EPB41L4A: variants seen among roughly 807,000 people sequenced by gnomAD.
EPB41L4A encodes erythrocyte membrane protein band 4.1 like 4A, also known as band 4.1-like protein 4A.
In EPB41L4A, 100 loss-of-function variants were observed where a neutral mutation model predicts 108.6. That is an observed-to-expected ratio of 0.92 (90% CI 0.78 to 1.09). The LOEUF (loss-of-function observed/expected upper bound fraction) is 1.09, where lower values mean the gene tolerates loss of function less well. Among genes scored for constraint, EPB41L4A ranks in the 50% least tolerant of loss-of-function variants. The pLI is 0.00. For missense variants in EPB41L4A, 1,030 were observed against 842.7 expected (o/e 1.22, Z -2.75); for synonymous variants, 319 against 289.0 (o/e 1.10, Z -1.05).
At chr5:112,193,171 C>T (rs577234183) in intron 17 of EPB41L4A, among the ~76,000 whole-genome samples, 15 of 152,318 alleles carry the variant, frequency 9.8e-5, no homozygotes, top group African/African-American at 3.6e-4. Flanking sequence ...GCTGTCTGGG[C>T]TATTATTACA....
chr5:112,212,592 GC>G (rs1256479146), intron 12 of EPB41L4A, among the ~76,000 whole-genome samples: 1 of 152,108 alleles, frequency 6.6e-6, no homozygotes, highest in Admixed American at 6.5e-5. Flanking sequence ...ACTGTGCCCA[GC>G]CCCCTAACAT....
chr5:112,336,830 A>G (rs1756954152), intron 1 of EPB41L4A, among the ~76,000 whole-genome samples: 1 of 152,218 alleles, frequency 6.6e-6, no homozygotes, highest in Admixed American at 6.5e-5. Flanking sequence ...TTTGGGGTCA[A>G]TTACATGTCT....
At chr5:112,265,063 C>A in intron 5 of EPB41L4A, 47 bp from the exon 6 acceptor site, 2 of 1,455,788 alleles carry the variant, frequency 1.4e-6, no homozygotes, top group Non-Finnish European at 1.8e-6. Context: ...GGAAAATAGT[C>A]CTTAAAACAT....
In EPB41L4A at chr5:112,170,321, C is replaced by G; in HGVS notation, c.1719G>C (p.Glu573Asp). Residue 573 changes from glutamate (E) to aspartate (D), a missense_variant, in exon 20 of 23, where the codon GAG (glutamate) becomes GAC (aspartate). Coordinates refer to ENST00000261486, the MANE Select transcript of EPB41L4A (RefSeq NM_022140.5). ...PSGLSEEQLKEIPYTKIETQG... is the reference protein window; with the variant it reads ...PSGLSEEQLKDIPYTKIETQG... The stretch of plus-strand genomic sequence containing the variant: ...CTCACTCTATTTTAGTGTATGGAAT[C>G]TCTTTTAATTGTTCTTCGGACAATC... 1 of 1,613,414 alleles carries G rather than the reference C, an allele frequency of 6.2e-7. No homozygotes were observed. The highest frequency in any genetic ancestry group is 2.2e-5 in the East Asian group (1 of 44,838).
chr5:112,397,020 A>C (rs931983176), intron 1 of EPB41L4A, among the ~76,000 whole-genome samples: 1 of 152,184 alleles, frequency 6.6e-6, no homozygotes, highest in African/African-American at 2.4e-5. Context: ...CTGGGCTTCT[A>C]GTCTGCCCAT....
intron 1 of EPB41L4A, among the ~76,000 whole-genome samples, chr5:112,374,384 C>T (rs1018599790): frequency 2.0e-5 from 3 of 152,126 alleles, no homozygotes; most frequent in Non-Finnish European, 4.4e-5. Flanking sequence ...CAAAAAGCAG[C>T]ATTATAAGAA....
At chr5:112,290,052 G>T (rs1017029429) in intron 2 of EPB41L4A, among the ~76,000 whole-genome samples, 2 of 152,036 alleles carry the variant, frequency 1.3e-5, no homozygotes, top group Non-Finnish European at 2.9e-5. Flanking sequence ...TCTATGCCCT[G>T]GAACATACCT....
At chr5:112,241,383 A>T (rs1749772592) in intron 9 of EPB41L4A, among the ~76,000 whole-genome samples, 2 of 152,230 alleles carry the variant, frequency 1.3e-5, no homozygotes, top group South Asian at 4.1e-4. Context: ...CATACATAAA[A>T]TATCATATAA....
intron 12 of EPB41L4A, among the ~76,000 whole-genome samples, chr5:112,213,564 G>T (rs1382637884): frequency 6.6e-6 from 1 of 152,052 alleles, no homozygotes; most frequent in Non-Finnish European, 1.5e-5. Flanking sequence ...GGACAGGCTG[G>T]TCTCAAACTC....
In EPB41L4A at chr5:112,267,755, A is replaced by T. The variant is rs117609125; in HGVS notation, c.336-1425T>A. ...GAGGTAAGCAGGATTCTTAAGATGT[A>T]AACAGGATCATGTCACTCTTTCAGT... On this transcript the variant is annotated intron_variant, in intron 4 of 22. Transcript: ENST00000261486. Among the ~76,000 whole-genome samples, 118 of 152,242 alleles carry T rather than the reference A, an allele frequency of 7.8e-4. No homozygotes were observed. In the East Asian group the frequency reaches 0.015, roughly 19 times the overall value.
In EPB41L4A at chr5:112,406,981, G is replaced by C. The variant is rs184007639; in HGVS notation, c.99+11960C>G. On this transcript the variant is annotated intron_variant, in intron 1 of 22. Coordinates refer to ENST00000261486, the MANE Select transcript of EPB41L4A (RefSeq NM_022140.5). ...TTCCACACTCTTGCCCTGGCTGTCT[G>C]CTGCACTTTGGGTAGCATCGTGGGG... Among the ~76,000 whole-genome samples, 173 of 152,204 alleles carry C rather than the reference G, an allele frequency of 1.1e-3. 1 individual carries two copies. The highest frequency in any genetic ancestry group is 4.0e-3 in the African/African-American group (165 of 41,518).
intron 1 of EPB41L4A, among the ~76,000 whole-genome samples, chr5:112,393,145 T>G (rs1254352715): frequency 6.6e-6 from 1 of 152,008 alleles, no homozygotes; most frequent in East Asian, 1.9e-4. Context: ...GCAGGAAAGA[T>G]CTAAAATCGA....
At chr5:112,185,628 G>C (rs552254110) in intron 17 of EPB41L4A, among the ~76,000 whole-genome samples, 1 of 152,140 alleles carries the variant, frequency 6.6e-6, no homozygotes, top group African/African-American at 2.4e-5. Context: ...AAGATTAACA[G>C]GATACTGTCA....
chr5:112,176,785 A>C (rs12655385), intron 18 of EPB41L4A, among the ~76,000 whole-genome samples: 4 of 131,102 alleles, frequency 3.1e-5, no homozygotes, highest in Non-Finnish European at 6.3e-5. Flanking sequence ...ATGGAGTTTC[A>C]CTCCTGTTGC....
intron 4 of EPB41L4A, among the ~76,000 whole-genome samples, chr5:112,274,417 A>G (rs889937422): frequency 1.3e-5 from 2 of 152,248 alleles, no homozygotes; most frequent in Admixed American, 1.3e-4. Context: ...ATGGCACTTC[A>G]AAGTGGGATG....
In EPB41L4A at chr5:112,293,207, T is replaced by C. The variant is rs532383708; in HGVS notation, c.205-12884A>G. Among the ~76,000 whole-genome samples the C allele has an allele frequency of 3.3e-5, 5 of 151,052 alleles. No individual in the cohort carries two copies. In the East Asian group the frequency reaches 5.8e-4, roughly 17 times the overall value. ...TTTATTGTTTTCAATTGTTGTTCGA[T>C]GGAAGCATTTTTTTTTTTAACTTTT... On this transcript the variant is annotated intron_variant, in intron 2 of 22. Coordinates refer to ENST00000261486, the MANE Select transcript of EPB41L4A (RefSeq NM_022140.5).
intron 12 of EPB41L4A, among the ~76,000 whole-genome samples, chr5:112,220,831 T>C (rs1430632319): frequency 6.6e-6 from 1 of 152,170 alleles, no homozygotes; most frequent in East Asian, 1.9e-4. Context: ...GATATCCTGC[T>C]TTACCCAGAG....
intron 15 of EPB41L4A, among the ~76,000 whole-genome samples, chr5:112,200,796 C>T (rs1435500767): frequency 6.6e-6 from 1 of 151,916 alleles, no homozygotes; most frequent in Non-Finnish European, 1.5e-5. Flanking sequence ...GGAATGAATC[C>T]AACATTTCAC....
chr5:112,325,297 C>T (rs911809236), intron 1 of EPB41L4A, among the ~76,000 whole-genome samples: 8 of 152,050 alleles, frequency 5.3e-5, no homozygotes, highest in Admixed American at 2.0e-4. Context: ...AAAAATTAGC[C>T]GGGCGTAGTG....
Sources: gnomAD v4.1 joint callset for allele counts (sites outside exome capture counted in the v4.1 genomes callset) on GRCh38, gnomAD v4.1.1 for gene constraint, MANE v1.5 for transcripts, NCBI Gene and HGNC (gene_info 2026-07-23, HGNC 2026-07-21) for gene names.